PDE4B: variants seen among roughly 807,000 people sequenced by gnomAD.
PDE4B encodes the protein 3',5'-cyclic-AMP phosphodiesterase 4B.
In PDE4B, 20 loss-of-function variants were observed where a neutral mutation model predicts 82.2. That is an observed-to-expected ratio of 0.24 (90% confidence interval 0.17 to 0.35). The LOEUF (loss-of-function observed/expected upper bound fraction) is 0.35. Among genes scored for constraint, PDE4B ranks in the 10% least tolerant of loss-of-function variants. The pLI, the probability that PDE4B is intolerant of heterozygous loss-of-function variation, is 1.00. For missense variants in PDE4B, 655 were observed against 907.2 expected (o/e 0.72, Z 3.57); for synonymous variants, 320 against 318.9 (o/e 1.00, Z -0.04).
At chr1:65,948,113 C>T (rs1017557564) in intron 3 of PDE4B, among the ~76,000 whole-genome samples, 22 of 151,474 alleles carry the variant, frequency 1.5e-4, no homozygotes, top group African/African-American at 4.6e-4. Context: ...ACAGCTATAA[C>T]TTTACAATTC....
At chr1:66,073,168 GA>G (rs1656247264) in intron 3 of PDE4B, among the ~76,000 whole-genome samples, 1 of 152,030 alleles carries the variant, frequency 6.6e-6, no homozygotes, top group African/African-American at 2.4e-5. Context: ...TGTCTGCTGT[GA>G]ATTGGTGCGC....
At chr1:66,105,845 A>C (rs963977074) in intron 3 of PDE4B, among the ~76,000 whole-genome samples, 8 of 151,892 alleles carry the variant, frequency 5.3e-5, no homozygotes, top group African/African-American at 1.9e-4. Flanking sequence ...TTGGGCTGAG[A>C]CAATGGGGTT....
intron 3 of PDE4B, among the ~76,000 whole-genome samples, chr1:66,023,443 A>T (rs1653255665): frequency 6.6e-6 from 1 of 152,118 alleles, no homozygotes; most frequent in African/African-American, 2.4e-5. Flanking sequence ...TGCCAAGAAC[A>T]AGGTAGCATA....
intron 3 of PDE4B, among the ~76,000 whole-genome samples, chr1:66,208,300 C>G (rs1649729600): frequency 6.6e-6 from 1 of 152,196 alleles, no homozygotes; most frequent in South Asian, 2.1e-4. Flanking sequence ...CCAACCCCCA[C>G]TCCAGATAAC....
chr1:66,131,844 C>T (rs1645957604), intron 3 of PDE4B, among the ~76,000 whole-genome samples: 5 of 151,820 alleles, frequency 3.3e-5, no homozygotes, highest in Admixed American at 1.3e-4. Context: ...CAAGCAAACA[C>T]ATATGGAAAC....
intron 3 of PDE4B, among the ~76,000 whole-genome samples, chr1:66,032,643 C>T (rs1457933909): frequency 6.9e-6 from 1 of 145,012 alleles, no homozygotes; most frequent in African/African-American, 2.5e-5. Context: ...GCCATGGTAT[C>T]ATTTATCTAA....
At chr1:65,886,527 C>T (rs1646778815) in intron 1 of PDE4B, among the ~76,000 whole-genome samples, 1 of 152,162 alleles carries the variant, frequency 6.6e-6, no homozygotes, top group Non-Finnish European at 1.5e-5. Context: ...CTTTTTATCT[C>T]CCTACCCATC....
At chr1:66,366,146 A>T (rs1318110103) in intron 13 of PDE4B, among the ~76,000 whole-genome samples, 1 of 152,164 alleles carries the variant, frequency 6.6e-6, no homozygotes, top group Admixed American at 6.6e-5. Flanking sequence ...TACTGTCCCT[A>T]TCTGCTTGGG....
rs115882721 is a variant in PDE4B, at chr1:65,824,709, C to T, written c.-71+31461C>T. Among the ~76,000 whole-genome samples, 344 of 151,654 alleles carry T rather than the reference C, an allele frequency of 2.3e-3. 1 individual carries two copies. Among genetic ancestry groups the T allele is most frequent in the African/African-American group, 7.9e-3 (328 of 41,330 alleles). On this transcript the variant is annotated intron_variant, in intron 1 of 16. Transcript: ENST00000341517. ...ATAAACCAATAAATTCTCTGATGTG[C>T]ATATTTGACAACCATTGCTGGCATT...
intron 3 of PDE4B, among the ~76,000 whole-genome samples, chr1:66,063,259 A>G (rs1006755529): frequency 3.3e-5 from 5 of 151,972 alleles, no homozygotes; most frequent in African/African-American, 4.8e-5. Context: ...TTAGAGCAAA[A>G]AGAGGAGGTG....
rs146532993 is a variant in PDE4B at position 65,995,020 on chromosome 1, C to T, written c.281+76185C>T. Among the ~76,000 whole-genome samples the T allele has an allele frequency of 3.5e-4, 53 of 152,152 alleles. 1 individual carries two copies. Among genetic ancestry groups the T allele is most frequent in the African/African-American group, 1.1e-3 (45 of 41,538 alleles). ...ATTAAATGGTATCTGAAGTTACCTA[C>T]GCTAATAAGATGATATTCTTTTAGT... On this transcript the variant is annotated intron_variant, in intron 3 of 16. Transcript: ENST00000341517.
chr1:66,368,631 T>C (rs760881300), intron 15 of PDE4B, among the ~76,000 whole-genome samples, 156 bp from the exon 16 acceptor site: 2 of 152,214 alleles, frequency 1.3e-5, no homozygotes, highest in African/African-American at 2.4e-5. Flanking sequence ...GCTAGCATCA[T>C]TGTAATTCCA....
chr1:65,903,795 A>G (rs1646998081), intron 1 of PDE4B, among the ~76,000 whole-genome samples: 1 of 152,154 alleles, frequency 6.6e-6, no homozygotes, highest in South Asian at 2.1e-4. Flanking sequence ...GTATGTCCAC[A>G]TAGACCTGAA....
chr1:66,330,376 CT>C (rs1660019352), intron 7 of PDE4B, among the ~76,000 whole-genome samples: 1 of 90,360 alleles, frequency 1.1e-5, no homozygotes. Context: ...GAGTCCTTCT[CT>C]TTTTTGTACT....
chr1:66,087,308 G>A (rs1326659082), intron 3 of PDE4B, among the ~76,000 whole-genome samples: 1 of 152,036 alleles, frequency 6.6e-6, no homozygotes, highest in Non-Finnish European at 1.5e-5. Context: ...AAGAGTTTAC[G>A]GCAATATCCT....
intron 8 of PDE4B, among the ~76,000 whole-genome samples, chr1:66,353,912 A>C (rs1662027309): frequency 1.3e-5 from 2 of 152,240 alleles, no homozygotes; most frequent in South Asian, 4.1e-4. Flanking sequence ...CCTAGATGGA[A>C]AGGTTAAAAG....
intron 1 of PDE4B, among the ~76,000 whole-genome samples, chr1:65,799,698 C>G (rs1645672788): frequency 6.6e-6 from 1 of 152,068 alleles, no homozygotes; most frequent in African/African-American, 2.4e-5. Flanking sequence ...CCTGGGCATG[C>G]TACATTGGTA....
intron 3 of PDE4B, among the ~76,000 whole-genome samples, chr1:66,087,038 C>A (rs1364336107): frequency 3.3e-5 from 5 of 152,066 alleles, no homozygotes; most frequent in Non-Finnish European, 7.4e-5. Flanking sequence ...GAGTGCTTGG[C>A]ATGTTCAGAG....
At chr1:65,938,427 G>A (rs900488052) in intron 3 of PDE4B, among the ~76,000 whole-genome samples, 15 of 152,276 alleles carry the variant, frequency 9.9e-5, no homozygotes, top group East Asian at 1.9e-4. Context: ...TGAGGATGCT[G>A]GATGTTCATA....
Sources: allele counts gnomAD v4.1 joint callset (sites outside exome capture counted in the v4.1 genomes callset), GRCh38; gene constraint gnomAD v4.1.1; transcripts MANE v1.5; gene names NCBI Gene and HGNC (gene_info 2026-07-23, HGNC 2026-07-21).